Variants in RALYL observed in about 807,000 individuals in gnomAD.
RALYL encodes RALY RNA binding protein like, also known as RNA-binding Raly-like protein.
A neutral mutation model predicts 35.1 loss-of-function variants in RALYL; 29 were observed. The observed-to-expected ratio is 0.83, with a 90% CI of 0.61 to 1.13. The LOEUF is 1.13. Ranked by LOEUF, RALYL falls within the 50% of genes most tolerant of loss-of-function variation. The probability of loss-of-function intolerance (pLI) is 0.00; values close to 1 mark genes in which losing one functional copy is unlikely to be tolerated. For synonymous variants in RALYL, 120 were observed against 127.6 expected, an observed-to-expected ratio of 0.94 and a Z score of 0.40; for missense variants, 359 against 360.4, an observed-to-expected ratio of 1.00 and a Z score of 0.03.
intron 2 of RALYL, among the ~76,000 whole-genome samples, chr8:84,736,662 A>G (rs1436313075): frequency 6.6e-6 from 1 of 152,028 alleles, no homozygotes; most frequent in African/African-American, 2.4e-5. Flanking sequence ...TTAGAGGTCT[A>G]TTATCAGGTG....
At chr8:84,516,611 T>C (rs1194272353) in intron 1 of RALYL, among the ~76,000 whole-genome samples, 1 of 152,144 alleles carries the variant, frequency 6.6e-6, no homozygotes. Flanking sequence ...GTATTTTTAA[T>C]ATGAAGAAAG....
intron 8 of RALYL, among the ~76,000 whole-genome samples, chr8:84,911,314 A>C (rs1439569407): frequency 6.6e-6 from 1 of 152,170 alleles, no homozygotes; most frequent in Non-Finnish European, 1.5e-5. Flanking sequence ...GGTATTTTCT[A>C]TATAAGTAAT....
chr8:84,742,609 G>C (rs1191853283), intron 2 of RALYL, among the ~76,000 whole-genome samples: 1 of 151,972 alleles, frequency 6.6e-6, no homozygotes, highest in East Asian at 1.9e-4. Context: ...GAGTAAGCAA[G>C]AATCAGAGGA....
chr8:84,250,591 T>G (rs1452962771), intron 1 of RALYL, among the ~76,000 whole-genome samples: 2 of 152,052 alleles, frequency 1.3e-5, no homozygotes, highest in African/African-American at 4.8e-5. Flanking sequence ...TATAGGCAAT[T>G]TCAAGATAGA....
rs75967490 is a variant in RALYL, at chr8:84,614,775, CT to C, written c.256+85214del. On this transcript the variant is annotated intron_variant, in intron 2 of 8. Transcript: ENST00000521268. ...AGTCAGATTGTTCCTCCCTTCTTTC[CT>C]TTTTTTTTTTTTTTTCATTTTCTTT... Among the ~76,000 whole-genome samples the C allele has an allele frequency of 4.3e-3, 557 of 128,792 alleles. 7 individuals are homozygous for C. The highest frequency in any genetic ancestry group is 8.9e-3 in the South Asian group (35 of 3,946). 84.5% of individuals were successfully genotyped at this position (128,792 alleles called of 152,430 possible).
At chr8:84,595,260 T>A (rs1814229275) in intron 2 of RALYL, among the ~76,000 whole-genome samples, 1 of 152,166 alleles carries the variant, frequency 6.6e-6, no homozygotes, top group African/African-American at 2.4e-5. Flanking sequence ...TGAAAGTGTC[T>A]TTGAACACAA....
At chr8:84,672,076 A>T (rs1002600102) in intron 2 of RALYL, among the ~76,000 whole-genome samples, 2 of 152,190 alleles carry the variant, frequency 1.3e-5, no homozygotes, top group African/African-American at 2.4e-5. Flanking sequence ...CCCAAGTCAC[A>T]TCTCTAATAC....
At chr8:84,288,596 C>T (rs73304860) in intron 1 of RALYL, among the ~76,000 whole-genome samples, 3,084 of 144,834 alleles carry the variant, frequency 0.021, 115 homozygotes, top group African/African-American at 0.071. Context: ...TATTATTGTT[C>T]TATTAAATTG....
At chr8:84,771,364 A>G (rs148074873) in intron 2 of RALYL, among the ~76,000 whole-genome samples, 29 of 152,264 alleles carry the variant, frequency 1.9e-4, no homozygotes, top group African/African-American at 6.5e-4. Flanking sequence ...TACTACAATG[A>G]ACAAACTTGT....
intron 1 of RALYL, among the ~76,000 whole-genome samples, chr8:84,525,749 A>G (rs891288991): frequency 6.6e-6 from 1 of 151,798 alleles, no homozygotes; most frequent in Admixed American, 6.6e-5. Flanking sequence ...CAGTTTCATC[A>G]CCATTCAGTG....
At chr8:84,307,900 A>G (rs1391317204) in intron 1 of RALYL, among the ~76,000 whole-genome samples, 1 of 152,340 alleles carries the variant, frequency 6.6e-6, no homozygotes, top group African/African-American at 2.4e-5. Context: ...AGGAATGTTC[A>G]CCAAAGCTGT....
At chr8:84,708,048 C>A (rs1434204142) in intron 2 of RALYL, among the ~76,000 whole-genome samples, 3 of 152,072 alleles carry the variant, frequency 2.0e-5, no homozygotes, top group Non-Finnish European at 4.4e-5. Context: ...AGTCTTCTTA[C>A]AATTTTCTTT....
intron 2 of RALYL, among the ~76,000 whole-genome samples, chr8:84,710,901 T>C (rs142349206): frequency 6.6e-6 from 1 of 152,182 alleles, no homozygotes. Context: ...GACACACAAA[T>C]AAATATGTAA....
intron 1 of RALYL, among the ~76,000 whole-genome samples, chr8:84,475,067 C>T (rs540646953): frequency 6.6e-6 from 1 of 152,138 alleles, no homozygotes; most frequent in South Asian, 2.1e-4. Flanking sequence ...CCCAGCCCCC[C>T]ACCCAGTGAC....
At chr8:84,728,577 A>T in intron 2 of RALYL, among the ~76,000 whole-genome samples, 2 of 152,044 alleles carry the variant, frequency 1.3e-5, no homozygotes, top group Non-Finnish European at 2.9e-5. Flanking sequence ...GGTAATGCCT[A>T]GGTTTTCTTC....
At chr8:84,342,631 A>G (rs994973454) in intron 1 of RALYL, among the ~76,000 whole-genome samples, 10 of 151,910 alleles carry the variant, frequency 6.6e-5, no homozygotes, top group African/African-American at 9.7e-5. Context: ...TCATATGCCA[A>G]TTACTCCTAG....
chr8:84,466,831 G>A (rs995430845), intron 1 of RALYL, among the ~76,000 whole-genome samples: 1 of 151,378 alleles, frequency 6.6e-6, no homozygotes, highest in East Asian at 1.9e-4. Flanking sequence ...CCTGTTATTG[G>A]TCTATTCAGA....
chr8:84,886,614 A>T (rs1330000002), intron 7 of RALYL, among the ~76,000 whole-genome samples: 1 of 152,224 alleles, frequency 6.6e-6, no homozygotes, highest in Non-Finnish European at 1.5e-5. Context: ...AAGGAGGAAC[A>T]TACAATGATC....
intron 1 of RALYL, among the ~76,000 whole-genome samples, chr8:84,384,168 C>T (rs1290070783): frequency 6.6e-6 from 1 of 151,644 alleles, no homozygotes; most frequent in Non-Finnish European, 1.5e-5. Context: ...ATAAAATTAC[C>T]TATTTGAAAA....
Sources: gnomAD v4.1 joint callset for allele counts (sites outside exome capture counted in the v4.1 genomes callset) on GRCh38, gnomAD v4.1.1 for gene constraint, MANE v1.5 for transcripts, NCBI Gene and HGNC (gene_info 2026-07-23, HGNC 2026-07-21) for gene names.